The following PSMF1 variants were observed in gnomAD, a reference collection of about 807,000 sequenced individuals.
PSMF1 encodes the protein proteasome inhibitor PI31 subunit.
In PSMF1, 30 loss-of-function variants were observed where a neutral mutation model predicts 29.3. That is an observed-to-expected ratio of 1.02 (90% CI 0.77 to 1.39). PSMF1 has a LOEUF of 1.39. PSMF1 is among the 40% of genes most tolerant of loss of function. The probability of loss-of-function intolerance (pLI) is 0.00; values close to 1 mark genes in which losing one functional copy is unlikely to be tolerated. For missense variants in PSMF1, 344 were observed against 357.5 expected, an observed-to-expected ratio of 0.96 and a Z score of 0.31; for synonymous variants, 134 against 139.7, an observed-to-expected ratio of 0.96 and a Z score of 0.29.
At position 1,164,487 on chromosome 20, in the gene PSMF1, ACT is replaced by A. The variant is rs747402124; in HGVS notation, c.764+13_764+14del. The A allele has an allele frequency of 6.2e-7, 1 of 1,613,764 alleles. No individual in the cohort carries two copies. The highest frequency in any genetic ancestry group is 1.1e-5 in the South Asian group (1 of 91,052). On this transcript the variant is annotated intron_variant, in intron 6 of 6. Transcript: ENST00000335877. This position sits in a 1 kb window ranked among gnomAD's most constrained non-coding sequence, Gnocchi z 4.1. ...GACCAGCCCACCCGGGTACGTAGTCACTCAGGTATGCTGAGAAGTAGGACCTG... is the reference window on the plus strand; with the variant it reads ...GACCAGCCCACCCGGGTACGTAGTCACAGGTATGCTGAGAAGTAGGACCTG...
intron 3 of PSMF1, 24 bp from the exon 4 acceptor site, chr20:1,135,097 T>A (rs773668066): frequency 6.2e-7 from 1 of 1,613,710 alleles, no homozygotes; most frequent in Non-Finnish European, 8.5e-7. Flanking sequence ...TGCAAGCAGT[T>A]GACTCTTCAT....
At chr20:1,149,636 C>CTGTTTTCAGTTTTTTCAAAG (rs757766324) in intron 4 of PSMF1, among the ~76,000 whole-genome samples, 2 of 152,116 alleles carry the variant, frequency 1.3e-5, no homozygotes, top group Non-Finnish European at 2.9e-5. Context: ...AAACAAAAAA[C>CTGTTTTCAGTTTTTTCAAAG]AAAAAACTGT....
At chr20:1,155,840 T>C (rs1344318137) in intron 4 of PSMF1, among the ~76,000 whole-genome samples, 4 of 152,162 alleles carry the variant, frequency 2.6e-5, no homozygotes, top group Non-Finnish European at 5.9e-5. Context: ...AACAAAAATA[T>C]CAAGATTCTT....
chr20:1,130,335 C>T (rs569321004), intron 3 of PSMF1, among the ~76,000 whole-genome samples: 1 of 152,282 alleles, frequency 6.6e-6, no homozygotes, highest in South Asian at 2.1e-4. Flanking sequence ...GCATATTTTA[C>T]CACAGTTAAA....
At chr20:1,160,977 G>C (rs2086659891) in intron 4 of PSMF1, 1 of 409,450 alleles carries the variant, frequency 2.4e-6, no homozygotes, top group Non-Finnish European at 4.9e-6. Context: ...CCCTGGACAT[G>C]TACGTGGCAG....
chr20:1,120,320 T>G (rs925672344), intron 1 of PSMF1, among the ~76,000 whole-genome samples: 1 of 152,120 alleles, frequency 6.6e-6, no homozygotes, highest in South Asian at 2.1e-4. Context: ...AGACTAGATA[T>G]GAGGATGGAA....
chr20:1,161,615 T>C, intron 4 of PSMF1: 1 of 665,740 alleles, frequency 1.5e-6, no homozygotes. Context: ...CCTGGCCTCA[T>C]TGTCCACCTT....
chr20:1,118,847 T>C lies in PSMF1; in HGVS notation c.74T>C (p.Phe25Ser), dbSNP rs751811786. 1.2e-6 allele frequency: 2 copies of C among 1,613,918 alleles called. No homozygotes were observed. Among genetic ancestry groups the C allele is most frequent in the East Asian group, 4.5e-5 (2 of 44,878 alleles). Residue 25 changes from phenylalanine (F) to serine (S), a missense_variant, in exon 1 of 7, where the codon TTC becomes TCC. Phe to Ser is a radical substitution (Grantham distance 155, BLOSUM62 -2). Coordinates refer to ENST00000335877, the MANE Select transcript of PSMF1 (RefSeq NM_006814.5). ...TGCAGGCAGGACGCGCTCGTCTGCT[T>C]CTTGCATTGGGAAGTGGTGACACAC... ...ITCRQDALVCFLHWEVVTHGY... is the reference protein window; with the variant it reads ...ITCRQDALVCSLHWEVVTHGY...
chr20:1,156,082 A>G (rs2086591304), intron 4 of PSMF1, among the ~76,000 whole-genome samples: 1 of 152,368 alleles, frequency 6.6e-6, no homozygotes, highest in African/African-American at 2.4e-5. Flanking sequence ...GAAGACCTTA[A>G]GAAGAACCAA....
chr20:1,139,996 G>C (rs1046018187), intron 4 of PSMF1, among the ~76,000 whole-genome samples: 1 of 152,154 alleles, frequency 6.6e-6, no homozygotes, highest in African/African-American at 2.4e-5. Context: ...TCACGGCTAG[G>C]AAGAATTAAT....
intron 4 of PSMF1, among the ~76,000 whole-genome samples, chr20:1,153,336 G>A (rs5001787): frequency 3.0e-4 from 46 of 151,798 alleles, no homozygotes; most frequent in African/African-American, 1.0e-3. Context: ...AGTTCCTTGC[G>A]GTTATAAGAC....
At chr20:1,124,085 C>A (rs1403387082) in intron 1 of PSMF1, among the ~76,000 whole-genome samples, 1 of 152,180 alleles carries the variant, frequency 6.6e-6, no homozygotes, top group African/African-American at 2.4e-5. Context: ...GCAGCCATGG[C>A]AAATGTCTCT....
intron 4 of PSMF1, among the ~76,000 whole-genome samples, chr20:1,140,113 T>A (rs57320668): frequency 0.18 from 27,073 of 152,094 alleles, 2,657 homozygotes; most frequent in African/African-American, 0.22. Context: ...GATCCTAAAA[T>A]TCAGGTAGAA....
intron 1 of PSMF1, 115 bp downstream of exon 1, chr20:1,119,017 G>C (rs2086048117): frequency 2.1e-6 from 3 of 1,408,750 alleles, no homozygotes; most frequent in Non-Finnish European, 2.9e-6. Context: ...TGCAGGGTCT[G>C]GGGCAGATGG....
At chr20:1,161,783 G>A in intron 4 of PSMF1, 1 of 384,998 alleles carries the variant, frequency 2.6e-6, no homozygotes. Flanking sequence ...TACACCTCAT[G>A]CCAGCCTCAC....
In PSMF1 at chr20:1,133,567, ATATTTTT is replaced by A. The variant is rs1317388110; in HGVS notation, c.366-1552_366-1546del. Among the ~76,000 whole-genome samples, 34 of 39,498 alleles carry A rather than the reference ATATTTTT, an allele frequency of 8.6e-4. 1 individual carries two copies. Among genetic ancestry groups the A allele is most frequent in the African/African-American group, 2.4e-3 (33 of 13,666 alleles). The allele number at this position is 39,498 out of a possible 152,430, so 25.9% of individuals were successfully genotyped here. On this transcript the variant is annotated intron_variant, in intron 3 of 6. Transcript: ENST00000335877. ...AGTCTATATATGTGTATATATATAT[ATATTTTT>A]TTTTTTTTTTTGGTGTAGTCTTTGC...
chr20:1,137,363 G>A (rs1884400440), intron 4 of PSMF1, among the ~76,000 whole-genome samples: 1 of 152,176 alleles, frequency 6.6e-6, no homozygotes, highest in Non-Finnish European at 1.5e-5. Flanking sequence ...CTTTATATTA[G>A]GTGGATCTGG....
At chr20:1,146,000 G>A (rs1273666917) in intron 4 of PSMF1, among the ~76,000 whole-genome samples, 1 of 152,082 alleles carries the variant, frequency 6.6e-6, no homozygotes, top group Non-Finnish European at 1.5e-5. Flanking sequence ...GCTTGGACCT[G>A]TGCATTGTAC....
intron 4 of PSMF1, among the ~76,000 whole-genome samples, chr20:1,157,508 C>A (rs2086608429): frequency 6.6e-6 from 1 of 152,142 alleles, no homozygotes; most frequent in South Asian, 2.1e-4. Context: ...GTTAACAATA[C>A]TTAAATGCTG....
Sources: allele counts gnomAD v4.1 joint callset (sites outside exome capture counted in the v4.1 genomes callset), GRCh38; gene constraint gnomAD v4.1.1; non-coding constraint Gnocchi (gnomAD v3.1); transcripts MANE v1.5; gene names NCBI Gene and HGNC (gene_info 2026-07-23, HGNC 2026-07-21).